ITPR1: variants seen among roughly 807,000 people sequenced by gnomAD.
ITPR1 encodes inositol 1,4,5-trisphosphate receptor type 1, also known as inositol 1,4,5-trisphosphate-gated calcium channel ITPR1.
A neutral mutation model predicts 318.4 loss-of-function variants in ITPR1; 96 were observed. The ratio of observed to expected loss-of-function variants is 0.30; its 90% CI spans 0.26 to 0.36. ITPR1 has a LOEUF of 0.36. Ranked by LOEUF, ITPR1 falls within the 10% of genes least tolerant of loss-of-function variation. The probability of loss-of-function intolerance (pLI) is 1.00; values close to 1 mark genes in which losing one functional copy is unlikely to be tolerated. For missense variants in ITPR1, 2,440 were observed against 3,460.2 expected, an observed-to-expected ratio of 0.71 and a Z score of 7.40; for synonymous variants, 1,312 against 1,289.9, an observed-to-expected ratio of 1.02 and a Z score of -0.37.
At chr3:4,663,467 C>T (rs111411106) in intron 16 of ITPR1, among the ~76,000 whole-genome samples, 2 of 152,108 alleles carry the variant, frequency 1.3e-5, no homozygotes, top group Non-Finnish European at 2.9e-5. Flanking sequence ...ACCTCAAAGG[C>T]TTGATGAATT....
intron 13 of ITPR1, among the ~76,000 whole-genome samples, chr3:4,660,338 T>A (rs2093804723): frequency 1.3e-5 from 2 of 152,156 alleles, no homozygotes; most frequent in African/African-American, 2.4e-5. Flanking sequence ...GTAACAGCCC[T>A]TTGTGTGTAG....
At chr3:4,681,534 G>A (rs1412532891) in intron 26 of ITPR1, 116 bp downstream of exon 26, 2 of 744,524 alleles carry the variant, frequency 2.7e-6, no homozygotes, top group African/African-American at 1.7e-5. Context: ...TTGTTTTGGT[G>A]CTATCTTTGG....
chr3:4,539,667 G>A (rs767228017), intron 4 of ITPR1, among the ~76,000 whole-genome samples: 5 of 152,164 alleles, frequency 3.3e-5, no homozygotes, highest in African/African-American at 4.8e-5. Context: ...CCTTTAAGAG[G>A]TGATTCATTC....
At chr3:4,522,305 C>A (rs1283434651) in intron 4 of ITPR1, among the ~76,000 whole-genome samples, 1 of 152,208 alleles carries the variant, frequency 6.6e-6, no homozygotes, top group Non-Finnish European at 1.5e-5. Flanking sequence ...GGGCTCAAAT[C>A]TTGCCATTTG....
intron 4 of ITPR1, among the ~76,000 whole-genome samples, chr3:4,596,520 C>T (rs952559759): frequency 4.1e-4 from 63 of 152,182 alleles, no homozygotes; most frequent in African/African-American, 1.4e-3. Context: ...TTTCAAAAGG[C>T]TTAGCAACTG....
At chr3:4,628,307 A>G (rs2092905589) in intron 5 of ITPR1, among the ~76,000 whole-genome samples, 1 of 152,346 alleles carries the variant, frequency 6.6e-6, no homozygotes, top group South Asian at 2.1e-4. Context: ...AAAATGAGAC[A>G]TAAAAGCCAC....
intron 37 of ITPR1, among the ~76,000 whole-genome samples, chr3:4,709,623 C>T (rs1317121285): frequency 6.6e-6 from 1 of 152,158 alleles, no homozygotes; most frequent in Non-Finnish European, 1.5e-5. Flanking sequence ...CTATCATTTG[C>T]CTTCAAATGG....
intron 5 of ITPR1, among the ~76,000 whole-genome samples, chr3:4,632,566 G>T (rs991640815): frequency 1.3e-5 from 2 of 152,148 alleles, no homozygotes; most frequent in African/African-American, 4.8e-5. Flanking sequence ...CATGCTTTTA[G>T]TGTAGTATCT....
intron 24 of ITPR1, among the ~76,000 whole-genome samples, chr3:4,679,239 G>A (rs1433773387): frequency 6.6e-6 from 1 of 152,254 alleles, no homozygotes; most frequent in African/African-American, 2.4e-5. Context: ...GACAATGTTA[G>A]TGTGTTAGCG....
chr3:4,579,681 T>C (rs945491115), intron 4 of ITPR1, among the ~76,000 whole-genome samples: 1 of 152,208 alleles, frequency 6.6e-6, no homozygotes, highest in African/African-American at 2.4e-5. Context: ...AGAAAGTATA[T>C]TGAGTCAGGG....
chr3:4,591,041 C>T (rs4685774), intron 4 of ITPR1, among the ~76,000 whole-genome samples: 10,275 of 152,166 alleles, frequency 0.068, 962 homozygotes, highest in East Asian at 0.37. Context: ...TTCGTGTTCC[C>T]GCAAAAGACA....
chr3:4,716,892 T>G (rs1204288848), intron 39 of ITPR1, among the ~76,000 whole-genome samples: 4 of 152,218 alleles, frequency 2.6e-5, no homozygotes, highest in Non-Finnish European at 4.4e-5. Context: ...TATTAGCTGC[T>G]GAAGTTACAG....
Position 4,691,201 on chromosome 3 carries a change from G to A in ITPR1, c.3886G>A (p.Glu1296Lys). 2 of 1,613,192 alleles carry A rather than the reference G, an allele frequency of 1.2e-6. No individual in the cohort carries two copies. The highest frequency in any genetic ancestry group is 1.7e-6 in the Non-Finnish European group (2 of 1,179,454). The change falls in exon 32 of 62, where the codon GAG (glutamate) becomes AAG (lysine). Residue 1296 changes from glutamate to lysine, a missense_variant. Around this residue, in one of 23 missense-constraint regions of ITPR1, gnomAD observed 222 missense variants for 318.8 expected, o/e 0.70. Transcript: ENST00000649015. ...IFMNNFQLCS[E>K]INERVVQHFV... ...CATGAACAATTTCCAGCTTTGCAGTGAGATCAACGAGAGAGTTGTTCAGCA... is the reference window on the plus strand; with the variant it reads ...CATGAACAATTTCCAGCTTTGCAGTAAGATCAACGAGAGAGTTGTTCAGCA...
Position 4,693,516 on chromosome 3 carries a change from C to T in ITPR1, c.4056C>T (p.Leu1352=), listed in dbSNP as rs371697661. ...AELVNSGEDV[L]VFYNDRASFQ... is the part of the protein sequence containing the mutation. ...TGGTCAATTCGGGAGAGGATGTCCT[C>T]GTGTTCTACAACGACAGAGCCTCTT... The change falls in exon 33 of 62, where the codon CTC becomes CTT. Residue 1352 remains leucine, a synonymous_variant. Coordinates refer to ENST00000649015, the MANE Select transcript of ITPR1 (RefSeq NM_001378452.1). 1.9e-6 allele frequency: 3 copies of T among 1,613,820 alleles called. No individual in the cohort carries two copies. Among genetic ancestry groups the T allele is most frequent in the South Asian group, 2.2e-5 (2 of 91,082 alleles).
intron 54 of ITPR1, among the ~76,000 whole-genome samples, chr3:4,802,698 G>T (rs1448796554): frequency 6.6e-6 from 1 of 152,040 alleles, no homozygotes; most frequent in Admixed American, 6.6e-5. Flanking sequence ...GCATAGTAAT[G>T]CATGCTTGTA....
At chr3:4,794,889 C>A (rs2047798967) in intron 52 of ITPR1, 176 bp from the exon 53 acceptor site, 4 of 641,056 alleles carry the variant, frequency 6.2e-6, no homozygotes, top group African/African-American at 3.7e-5. Context: ...CAGAAATAAA[C>A]CAATCTGATG....
intron 60 of ITPR1, among the ~76,000 whole-genome samples, chr3:4,832,024 T>C (rs1222161592): frequency 6.6e-6 from 1 of 152,202 alleles, no homozygotes; most frequent in Non-Finnish European, 1.5e-5. Context: ...TGGCTAAAAT[T>C]GCTAATTAAT....
chr3:4,629,887 G>T (rs2092959258), intron 5 of ITPR1, among the ~76,000 whole-genome samples: 1 of 152,052 alleles, frequency 6.6e-6, no homozygotes, highest in African/African-American at 2.4e-5. Flanking sequence ...AGAAGAAGAA[G>T]AAACAATGGA....
intron 26 of ITPR1, 30 bp from the exon 27 acceptor site, chr3:4,683,356 T>A: frequency 6.2e-7 from 1 of 1,613,704 alleles, no homozygotes. Context: ...TGTCATTCAT[T>A]TGGCCTTTCC....
Sources: allele counts gnomAD v4.1 joint callset (sites outside exome capture counted in the v4.1 genomes callset), GRCh38; gene constraint gnomAD v4.1.1; regional missense constraint gnomAD v4.1.1; transcripts MANE v1.5; gene names NCBI Gene and HGNC (gene_info 2026-07-23, HGNC 2026-07-21).